The following DARS1 variants were observed in gnomAD, a reference collection of about 807,000 sequenced individuals.
DARS1 encodes the protein aspartyl-tRNA synthetase 1.
A neutral mutation model predicts 68.8 loss-of-function variants in DARS1; 51 were observed. The ratio of observed to expected loss-of-function variants is 0.74; its 90% confidence interval spans 0.59 to 0.94. The LOEUF (loss-of-function observed/expected upper bound fraction) is 0.94. DARS1 is among the 40% of genes least tolerant of loss of function. The pLI is 0.00. For missense variants in DARS1, 607 were observed against 597.3 expected, an observed-to-expected ratio of 1.02 and a Z score of -0.17; for synonymous variants, 203 against 190.4, an observed-to-expected ratio of 1.07 and a Z score of -0.55.
intron 3 of DARS1, 83 bp downstream of exon 3, chr2:135,979,190 AT>A: frequency 1.3e-6 from 1 of 749,028 alleles, no homozygotes; most frequent in Non-Finnish European, 2.4e-6. Context: ...GTTTTTAAAG[AT>A]TTACTTTGGT....
chr2:135,972,327 G>C (rs878959185), intron 3 of DARS1, among the ~76,000 whole-genome samples: 1 of 152,080 alleles, frequency 6.6e-6, no homozygotes, highest in Admixed American at 6.6e-5. Context: ...AACATACATG[G>C]GGGAAAATAG....
chr2:135,961,259 C>A (rs1395650866), intron 4 of DARS1, 137 bp downstream of exon 4: 4 of 621,008 alleles, frequency 6.4e-6, no homozygotes, highest in Non-Finnish European at 1.2e-5. Flanking sequence ...TTCAGCAACA[C>A]TGAACTGACA....
intron 3 of DARS1, among the ~76,000 whole-genome samples, chr2:135,963,900 C>T (rs1469586440): frequency 2.0e-5 from 3 of 151,878 alleles, no homozygotes; most frequent in African/African-American, 7.3e-5. Flanking sequence ...AGGCTGGTCT[C>T]GAACTCGTGA....
At chr2:135,956,861 T>G (rs1298539188) in intron 4 of DARS1, among the ~76,000 whole-genome samples, 2 of 151,922 alleles carry the variant, frequency 1.3e-5, no homozygotes, top group Non-Finnish European at 2.9e-5. Flanking sequence ...TCCCCCAGAT[T>G]CCAGCAATTC....
chr2:135,962,704 G>C (rs1486928298), intron 3 of DARS1, among the ~76,000 whole-genome samples: 1 of 152,138 alleles, frequency 6.6e-6, no homozygotes, highest in Admixed American at 6.5e-5. Flanking sequence ...TTTTGCTTTG[G>C]AGGATGATCC....
chr2:135,966,291 G>C (rs1473907703), intron 3 of DARS1, among the ~76,000 whole-genome samples: 2 of 151,540 alleles, frequency 1.3e-5, no homozygotes, highest in East Asian at 1.9e-4. Flanking sequence ...TCTACTACTG[G>C]AATTTTTATT....
intron 9 of DARS1, 32 bp downstream of exon 9, chr2:135,922,752 A>T (rs1178078779): frequency 6.6e-7 from 1 of 1,509,048 alleles, no homozygotes; most frequent in African/African-American, 1.4e-5. Context: ...TAATTAATTA[A>T]CTTGGATAAA....
At chr2:135,945,216 C>T (rs569964901) in intron 4 of DARS1, among the ~76,000 whole-genome samples, 17 of 152,178 alleles carry the variant, frequency 1.1e-4, no homozygotes, top group African/African-American at 4.1e-4. Flanking sequence ...CAACCTCCGC[C>T]TCCCGGGTTC....
intron 13 of DARS1, 101 bp downstream of exon 13, chr2:135,912,385 A>C (rs1680914878): frequency 3.7e-6 from 2 of 542,882 alleles, no homozygotes; most frequent in Non-Finnish European, 3.4e-6. Flanking sequence ...TCAAAACTGC[A>C]AATTATTAAT....
intron 4 of DARS1, among the ~76,000 whole-genome samples, chr2:135,954,049 G>A (rs908369259): frequency 1.3e-5 from 2 of 151,246 alleles, no homozygotes; most frequent in South Asian, 4.2e-4. Context: ...GAGTCACCAC[G>A]CCTGGCCCAG....
At chr2:135,950,228 C>T (rs930566794) in intron 4 of DARS1, among the ~76,000 whole-genome samples, 1 of 152,136 alleles carries the variant, frequency 6.6e-6, no homozygotes, top group Non-Finnish European at 1.5e-5. Context: ...AAAATGGAAA[C>T]GAAACATCTT....
At position 135,916,248 on chromosome 2, in the gene DARS1, T is replaced by G; in HGVS notation, c.1084A>C (p.Met362Leu). The G allele has an allele frequency of 6.3e-7, 1 of 1,598,810 alleles. No homozygotes were observed. Among genetic ancestry groups the G allele is most frequent in the Non-Finnish European group, 8.6e-7 (1 of 1,166,216 alleles). Residue 362 changes from methionine (M) to leucine (L), a missense_variant, in exon 11 of 16, where the codon ATG (methionine) becomes CTG (leucine). By Grantham distance (15) the Met-to-Leu change is conservative. Coordinates refer to ENST00000264161, the MANE Select transcript of DARS1 (RefSeq NM_001349.4). ...AACCTCAGATCGTCTTCATCTCCCATTTCGACTCCAGCTTCCCTAAGCATA... is the reference window on the plus strand; with the variant it reads ...AACCTCAGATCGTCTTCATCTCCCAGTTCGACTCCAGCTTCCCTAAGCATA... ...LAMLREAGVE[M>L]GDEDDLSTPN...
intron 7 of DARS1, among the ~76,000 whole-genome samples, chr2:135,930,707 T>C (rs1356310745): frequency 6.6e-6 from 1 of 152,168 alleles, no homozygotes; most frequent in Non-Finnish European, 1.5e-5. Flanking sequence ...TCCATTTGTA[T>C]TTGGGAAAAG....
intron 12 of DARS1, among the ~76,000 whole-genome samples, chr2:135,913,593 C>T (rs577838835): frequency 6.6e-6 from 1 of 152,080 alleles, no homozygotes; most frequent in East Asian, 1.9e-4. Context: ...CCTATCTCTA[C>T]TAAAAACACA....
intron 10 of DARS1, among the ~76,000 whole-genome samples, chr2:135,917,105 G>A (rs914554567): frequency 3.3e-5 from 5 of 152,154 alleles, no homozygotes; most frequent in East Asian, 1.9e-4. Context: ...AGGCTGCAGC[G>A]AGCCAAGATC....
intron 8 of DARS1, among the ~76,000 whole-genome samples, chr2:135,923,308 G>A (rs1681144583): frequency 6.6e-6 from 1 of 150,702 alleles, no homozygotes; most frequent in Non-Finnish European, 1.5e-5. Flanking sequence ...TTCTTTTTTT[G>A]AGATGGAGTC....
intron 2 of DARS1, 81 bp from the exon 3 acceptor site, chr2:135,979,447 A>G (rs1682574192): frequency 1.3e-6 from 1 of 756,432 alleles, no homozygotes; most frequent in Non-Finnish European, 2.3e-6. Flanking sequence ...ATTATTTTTG[A>G]CAGCTAGCAT....
chr2:135,941,314 T>C (rs1038017164), intron 5 of DARS1, among the ~76,000 whole-genome samples: 3 of 152,164 alleles, frequency 2.0e-5, no homozygotes, highest in Admixed American at 2.0e-4. Context: ...AAAACAGATA[T>C]AGATCAATGG....
At position 135,969,890 on chromosome 2, in the gene DARS1, G is replaced by A. The variant is rs537603320; in HGVS notation, c.218-8392C>T. On this transcript the variant is annotated intron_variant, in intron 3 of 15. Transcript: ENST00000264161. ...ATTAATACATAACCTTCTTTTGTGTGTGTTTCTGTTTAAAGATACCTTAAT... is the reference window on the plus strand; with the variant it reads ...ATTAATACATAACCTTCTTTTGTGTATGTTTCTGTTTAAAGATACCTTAAT... Among the ~76,000 whole-genome samples the A allele has an allele frequency of 3.3e-5, 5 of 152,214 alleles. No individual in the cohort carries two copies. The East Asian group carries it at 9.7e-4, about 29-fold the overall frequency.
Sources: gnomAD v4.1 joint callset for allele counts (sites outside exome capture counted in the v4.1 genomes callset) on GRCh38, gnomAD v4.1.1 for gene constraint, MANE v1.5 for transcripts, NCBI Gene and HGNC (gene_info 2026-07-23, HGNC 2026-07-21) for gene names.